The following UBXN2A variants were observed in gnomAD, a reference collection of about 807,000 sequenced individuals.
UBXN2A encodes UBX domain-containing protein 2A.
In UBXN2A, 28 loss-of-function variants were observed where a neutral mutation model predicts 28.4. That is an observed-to-expected ratio of 0.99 (90% CI 0.73 to 1.35). The LOEUF is 1.35. Among genes scored for constraint, UBXN2A ranks in the 40% most tolerant of loss-of-function variants. The pLI is 0.00. For synonymous variants in UBXN2A, 97 were observed against 103.6 expected, an observed-to-expected ratio of 0.94 and a Z score of 0.39; for missense variants, 253 against 297.9, an observed-to-expected ratio of 0.85 and a Z score of 1.11.
intron 1 of UBXN2A, among the ~76,000 whole-genome samples, chr2:23,957,109 A>AT (rs912458756): frequency 6.0e-5 from 9 of 150,812 alleles, no homozygotes; most frequent in Admixed American, 2.0e-4. Context: ...TGTTTTTCTT[A>AT]TTTTTTTTTC....
At chr2:23,928,570 C>A (rs1309676952) in intron 1 of UBXN2A, among the ~76,000 whole-genome samples, 7 of 150,932 alleles carry the variant, frequency 4.6e-5, no homozygotes, top group Non-Finnish European at 1.0e-4. Context: ...GAATGAGACT[C>A]CATCTCAAAA....
intron 6 of UBXN2A, among the ~76,000 whole-genome samples, chr2:23,985,896 G>A (rs1471577514): frequency 6.6e-6 from 1 of 152,142 alleles, no homozygotes. Context: ...CTACTTGGGA[G>A]GAGAATTGCT....
intron 6 of UBXN2A, among the ~76,000 whole-genome samples, chr2:23,986,178 T>G (rs553525676): frequency 1.4e-4 from 22 of 151,844 alleles, no homozygotes; most frequent in African/African-American, 5.3e-4. Flanking sequence ...GGCGTGGTGG[T>G]GGGCGCCTGT....
intron 1 of UBXN2A, among the ~76,000 whole-genome samples, chr2:23,934,209 TTAAAA>T (rs1397283817): frequency 1.3e-5 from 2 of 150,710 alleles, no homozygotes; most frequent in East Asian, 1.9e-4. Context: ...AGACTCTGTG[TTAAAA>T]TAAAAAAAAA....
chr2:23,929,990 G>A (rs895922544), intron 1 of UBXN2A, among the ~76,000 whole-genome samples: 3 of 152,136 alleles, frequency 2.0e-5, no homozygotes, highest in Non-Finnish European at 4.4e-5. Context: ...CCAGGTTCAA[G>A]CGACTCTCCT....
At chr2:23,946,440 C>A (rs1477565518) in intron 1 of UBXN2A, among the ~76,000 whole-genome samples, 3 of 152,172 alleles carry the variant, frequency 2.0e-5, no homozygotes, top group African/African-American at 7.2e-5. Flanking sequence ...CCTGCCTCAG[C>A]CTGCTGAGTA....
chr2:23,976,645 G>A (rs1707675774), intron 3 of UBXN2A, among the ~76,000 whole-genome samples: 1 of 152,122 alleles, frequency 6.6e-6, no homozygotes, highest in Non-Finnish European at 1.5e-5. Context: ...GGGCCCCCGT[G>A]ATTCAATTAC....
intron 4 of UBXN2A, among the ~76,000 whole-genome samples, chr2:23,981,389 A>G (rs984434159): frequency 6.8e-5 from 10 of 146,586 alleles, no homozygotes; most frequent in Non-Finnish European, 1.5e-4. Flanking sequence ...AAGATGGGAG[A>G]ATCGCTTGAG....
chr2:23,996,859 C>T (rs985955361), intron 6 of UBXN2A: 4 of 151,980 alleles, frequency 2.6e-5, no homozygotes, highest in Admixed American at 1.3e-4. Context: ...TGCGATCCCA[C>T]TACTGATCAG....
chr2:23,974,101 G>A (rs1347032400), intron 3 of UBXN2A, among the ~76,000 whole-genome samples: 2 of 145,500 alleles, frequency 1.4e-5, no homozygotes, highest in Admixed American at 7.1e-5. Context: ...TGCAAGCTCC[G>A]CCTCCTGGGT....
chr2:23,961,979 G>C (rs1706946186), intron 2 of UBXN2A, among the ~76,000 whole-genome samples: 1 of 151,826 alleles, frequency 6.6e-6, no homozygotes, highest in Non-Finnish European at 1.5e-5. Context: ...CGAGTAGTTG[G>C]GAGTACAGGT....
chr2:23,937,371 T>G (rs1018064011), upstream of UBXN2A, among the ~76,000 whole-genome samples: 12 of 151,924 alleles, frequency 7.9e-5, no homozygotes, highest in Admixed American at 7.2e-4. Context: ...ACAGTGAAAC[T>G]CCATCTCTAC....
intron 6 of UBXN2A, among the ~76,000 whole-genome samples, chr2:23,990,916 A>T (rs912566410): frequency 6.6e-6 from 1 of 152,180 alleles, no homozygotes; most frequent in Admixed American, 6.5e-5. Context: ...TGTCCTTAAA[A>T]GCTACTAAGC....
chr2:23,959,528 A>G (rs992161236), intron 2 of UBXN2A, among the ~76,000 whole-genome samples: 1 of 152,054 alleles, frequency 6.6e-6, no homozygotes, highest in Non-Finnish European at 1.5e-5. Context: ...ATAAATGTGA[A>G]GTTGTGTCAG....
intron 6 of UBXN2A, among the ~76,000 whole-genome samples, 177 bp from the exon 7 acceptor site, chr2:23,999,495 G>A (rs1481699751): frequency 6.6e-6 from 1 of 152,146 alleles, no homozygotes; most frequent in African/African-American, 2.4e-5. Context: ...TGAGGCAGGA[G>A]GATCAGTTGA....
At chr2:23,970,728 T>G (rs533160677) in intron 2 of UBXN2A, among the ~76,000 whole-genome samples, 1 of 151,880 alleles carries the variant, frequency 6.6e-6, no homozygotes, top group African/African-American at 2.4e-5. Flanking sequence ...CTTGTTTTCC[T>G]GCAACTAGAT....
At chr2:23,987,281 G>T (rs551788822) in intron 6 of UBXN2A, among the ~76,000 whole-genome samples, 1 of 151,890 alleles carries the variant, frequency 6.6e-6, no homozygotes, top group Non-Finnish European at 1.5e-5. Context: ...TCAAAACATA[G>T]ATTCTTATCA....
chr2:23,977,216 AC>A, intron 4 of UBXN2A, 141 bp downstream of exon 4: 1 of 561,440 alleles, frequency 1.8e-6, no homozygotes, highest in Non-Finnish European at 3.1e-6. Context: ...AAAGAAAATT[AC>A]CAGCCAGCCC....
chr2:23,961,913 C>T (rs989769227), intron 2 of UBXN2A, among the ~76,000 whole-genome samples: 9 of 150,988 alleles, frequency 6.0e-5, no homozygotes, highest in Non-Finnish European at 1.2e-4. Flanking sequence ...GGCGTGATCT[C>T]AGCTCACTGC....
Sources: allele counts gnomAD v4.1 joint callset (sites outside exome capture counted in the v4.1 genomes callset), GRCh38; gene constraint gnomAD v4.1.1; transcripts MANE v1.5; gene names NCBI Gene and HGNC (gene_info 2026-07-23, HGNC 2026-07-21).